The following MAD1L1 variants were observed in gnomAD, a reference collection of about 807,000 sequenced individuals.
MAD1L1 encodes mitotic spindle assembly checkpoint protein MAD1.
Under a neutral mutation model 96.9 loss-of-function variants are expected in MAD1L1, and 95 were observed. The observed-to-expected ratio is 0.98, with a 90% CI of 0.83 to 1.16. The LOEUF (loss-of-function observed/expected upper bound fraction) is 1.16, where lower values mean the gene tolerates loss of function less well. MAD1L1 is among the 50% of genes most tolerant of loss of function. MAD1L1 has a pLI of 0.00. For missense variants in MAD1L1, 1,007 were observed against 954.4 expected (o/e 1.06, Z -0.73); for synonymous variants, 473 against 396.6 (o/e 1.19, Z -2.29).
intron 18 of MAD1L1, chr7:1,845,469 A>C (rs1783550717): frequency 1.4e-5 from 1 of 73,920 alleles, no homozygotes; most frequent in Non-Finnish European, 2.8e-5. Context: ...GACGTGCTCC[A>C]CGCAGAGACG....
intron 14 of MAD1L1, among the ~76,000 whole-genome samples, chr7:1,987,733 G>A (rs751088876): frequency 6.6e-6 from 1 of 152,232 alleles, no homozygotes; most frequent in Non-Finnish European, 1.5e-5. Flanking sequence ...CTCGGCAGCC[G>A]AGAGTGGAGG....
chr7:2,230,101 T>C lies in MAD1L1; in HGVS notation c.33A>G (p.Leu11=). 6.2e-7 allele frequency: 1 copy of C among 1,606,804 alleles called. No individual in the cohort carries two copies. Among genetic ancestry groups the C allele is most frequent in the Non-Finnish European group, 8.5e-7 (1 of 1,176,508 alleles). MEDLGENTMV[L]STLRSLNNFI... is the part of the protein sequence containing the mutation. ...AGTTGTTCAAAGATCTCAGGGTGGA[T>C]AAAACCATGGTGTTTTCCCCCAGGT... The change falls in exon 3 of 19, where the codon TTA becomes TTG. Residue 11 remains leucine (L), a synonymous_variant. Transcript: ENST00000265854.
At chr7:2,163,153 C>T (rs934539485) in intron 10 of MAD1L1, among the ~76,000 whole-genome samples, 6 of 152,148 alleles carry the variant, frequency 3.9e-5, no homozygotes, top group African/African-American at 1.4e-4. Context: ...GTGCAACAGG[C>T]ACAAACCGGC....
intron 18 of MAD1L1, among the ~76,000 whole-genome samples, chr7:1,893,851 C>T (rs997850697): frequency 3.9e-5 from 6 of 152,222 alleles, no homozygotes; most frequent in African/African-American, 1.2e-4. Flanking sequence ...TATCTCTCCT[C>T]TGGACAGTGG....
intron 10 of MAD1L1, among the ~76,000 whole-genome samples, chr7:2,167,350 A>C (rs964996779): frequency 6.6e-6 from 1 of 151,394 alleles, no homozygotes; most frequent in African/African-American, 2.4e-5. Context: ...GATAGAGACC[A>C]TCCTGGCTAA....
intron 12 of MAD1L1, among the ~76,000 whole-genome samples, chr7:2,015,230 C>T (rs1283889738): frequency 2.6e-5 from 4 of 152,210 alleles, no homozygotes; most frequent in Admixed American, 6.5e-5. Context: ...CTCGTCCAAC[C>T]GCCCAGGGCT....
chr7:2,083,952 C>T (rs992280134), intron 11 of MAD1L1, among the ~76,000 whole-genome samples: 5 of 152,320 alleles, frequency 3.3e-5, no homozygotes, highest in Non-Finnish European at 5.9e-5. Context: ...CAAGAAGGCA[C>T]TGGGGAAGCG....
chr7:1,911,810 G>A (rs1360759953), intron 17 of MAD1L1, among the ~76,000 whole-genome samples: 1 of 152,238 alleles, frequency 6.6e-6, no homozygotes, highest in African/African-American at 2.4e-5. Flanking sequence ...CCCCTCTTGG[G>A]CATCCTATCC....
intron 10 of MAD1L1, among the ~76,000 whole-genome samples, chr7:2,197,891 G>A (rs1438312422): frequency 1.3e-5 from 2 of 151,928 alleles, no homozygotes; most frequent in African/African-American, 2.4e-5. Flanking sequence ...ACTGGTCCTA[G>A]CCCCCGGGTC....
chr7:2,100,261 C>G (rs977339765), intron 11 of MAD1L1, among the ~76,000 whole-genome samples: 3 of 152,214 alleles, frequency 2.0e-5, no homozygotes, highest in African/African-American at 7.2e-5. Context: ...CTGAGCAGAG[C>G]TAGGAATCCC....
At position 1,883,230 on chromosome 7, in the gene MAD1L1, C is replaced by T. The variant is rs116995516; in HGVS notation, c.1998+14970G>A. 5.7e-3 allele frequency among the ~76,000 whole-genome samples: 861 copies of T among 152,256 alleles called. 6 individuals carry two copies. Among genetic ancestry groups the T allele is most frequent in the Non-Finnish European group, 8.7e-3 (592 of 68,012 alleles). On this transcript the variant is annotated intron_variant, in intron 18 of 18. Coordinates refer to ENST00000265854, the MANE Select transcript of MAD1L1 (RefSeq NM_001013836.2). ...TTAACAACAAACCTTGTGCCACAAA[C>T]GGCCCCAGGAACCCAAACTACCAAA... is the stretch of plus-strand genomic sequence containing the variant.
chr7:2,135,983 T>C (rs867194473), intron 11 of MAD1L1, among the ~76,000 whole-genome samples: 4 of 152,200 alleles, frequency 2.6e-5, no homozygotes, highest in Non-Finnish European at 5.9e-5. Flanking sequence ...TGCTGGTTTC[T>C]CTTCCCAGGC....
chr7:1,990,683 G>A (rs1489014542), intron 14 of MAD1L1, among the ~76,000 whole-genome samples: 1 of 152,268 alleles, frequency 6.6e-6, no homozygotes, highest in Non-Finnish European at 1.5e-5. Context: ...TCACCACCAG[G>A]GCTGCAGCGT....
At chr7:1,856,942 C>T (rs990347750) in intron 18 of MAD1L1, among the ~76,000 whole-genome samples, 1 of 152,176 alleles carries the variant, frequency 6.6e-6, no homozygotes, top group African/African-American at 2.4e-5. Flanking sequence ...AGCTGCCACA[C>T]AGCAGCTCAT....
chr7:2,037,364 G>T (rs541137327), intron 12 of MAD1L1, among the ~76,000 whole-genome samples: 1 of 152,176 alleles, frequency 6.6e-6, no homozygotes, highest in Non-Finnish European at 1.5e-5. Context: ...ACCCAGGCAC[G>T]CCTTGCTCTC....
At chr7:2,198,568 C>T (rs559874326) in intron 10 of MAD1L1, among the ~76,000 whole-genome samples, 4 of 152,336 alleles carry the variant, frequency 2.6e-5, no homozygotes, top group East Asian at 1.9e-4. Flanking sequence ...CTCTGCGGCA[C>T]GAGGCTTTCA....
chr7:2,225,589 T>G, intron 3 of MAD1L1, 39 bp from the exon 4 acceptor site: 1 of 1,605,046 alleles, frequency 6.2e-7, no homozygotes, highest in South Asian at 1.1e-5. Flanking sequence ...GAATCCTCAG[T>G]GACGGCATCA....
chr7:2,033,064 G>C (rs1783301767), intron 12 of MAD1L1, among the ~76,000 whole-genome samples: 1 of 152,246 alleles, frequency 6.6e-6, no homozygotes, highest in Non-Finnish European at 1.5e-5. Context: ...CGCTGCCACT[G>C]ACTGGCCATG....
At chr7:2,049,630 C>T (rs564621111) in intron 12 of MAD1L1, among the ~76,000 whole-genome samples, 1 of 152,234 alleles carries the variant, frequency 6.6e-6, no homozygotes, top group Non-Finnish European at 1.5e-5. Context: ...CAGCAGCATC[C>T]CCATGTCTTG....
Sources: gnomAD v4.1 joint callset for allele counts (sites outside exome capture counted in the v4.1 genomes callset) on GRCh38, gnomAD v4.1.1 for gene constraint, MANE v1.5 for transcripts, NCBI Gene and HGNC (gene_info 2026-07-23, HGNC 2026-07-21) for gene names.